Variants in TUT4 observed in about 807,000 individuals in gnomAD.
TUT4 encodes the protein terminal uridylyl transferase 4, also known as terminal uridylyltransferase 4.
A neutral mutation model predicts 192.2 loss-of-function variants in TUT4; 36 were observed. The observed-to-expected ratio is 0.19, with a 90% CI of 0.14 to 0.25. TUT4 has a LOEUF of 0.25. Among genes scored for constraint, TUT4 ranks in the 10% least tolerant of loss-of-function variants. The probability of loss-of-function intolerance (pLI) is 1.00; values close to 1 mark genes in which losing one functional copy is unlikely to be tolerated. For synonymous variants in TUT4, 618 were observed against 666.0 expected (o/e 0.93, Z 1.11); for missense variants, 1,493 against 1,957.2 (o/e 0.76, Z 4.47).
At chr1:52,468,483 A>C in intron 14 of TUT4, 1 of 455,392 alleles carries the variant, frequency 2.2e-6, no homozygotes, top group Non-Finnish European at 3.9e-6. Context: ...GGAAGAAACG[A>C]AAATAAATGA....
intron 9 of TUT4, among the ~76,000 whole-genome samples, chr1:52,486,416 A>C (rs80027551): frequency 0.012 from 1,839 of 152,260 alleles, 50 homozygotes; most frequent in African/African-American, 0.043. Context: ...ACTACTTAAG[A>C]CAGCCAGAGA....
At chr1:52,430,475 G>A (rs1651716166) in intron 28 of TUT4, among the ~76,000 whole-genome samples, 1 of 152,046 alleles carries the variant, frequency 6.6e-6, no homozygotes, top group Non-Finnish European at 1.5e-5. Flanking sequence ...TAGAGATGGG[G>A]TTTCACCATG....
intron 15 of TUT4, among the ~76,000 whole-genome samples, chr1:52,465,698 T>C (rs1663918249): frequency 6.6e-6 from 1 of 152,226 alleles, no homozygotes; most frequent in Non-Finnish European, 1.5e-5. Context: ...CAAAGCACAA[T>C]TCATGTAGGT....
At chr1:52,551,678 TCG>T (rs1242551484) in intron 1 of TUT4, among the ~76,000 whole-genome samples, 1 of 148,322 alleles carries the variant, frequency 6.7e-6, no homozygotes, top group Non-Finnish European at 1.5e-5. Context: ...TTCAGCGCGC[TCG>T]CGCGCGCACA....
intron 7 of TUT4, 83 bp from the exon 8 acceptor site, chr1:52,490,884 T>C: frequency 1.7e-6 from 2 of 1,149,588 alleles, no homozygotes; most frequent in Non-Finnish European, 1.2e-6. Context: ...ACAGTTTCCT[T>C]CTGAAAATTA....
intron 4 of TUT4, among the ~76,000 whole-genome samples, chr1:52,507,509 A>C (rs538539567): frequency 2.6e-5 from 4 of 152,264 alleles, no homozygotes; most frequent in African/African-American, 9.6e-5. Context: ...AAGTAAATCC[A>C]CTGTTACTCT....
chr1:52,448,579 A>G (rs1236834145), intron 20 of TUT4, among the ~76,000 whole-genome samples: 3 of 120,938 alleles, frequency 2.5e-5, no homozygotes, highest in African/African-American at 6.5e-5. Flanking sequence ...ACTAAGCGAG[A>G]TTCTGTCTCA....
At chr1:52,482,098 T>G (rs1668620029) in intron 9 of TUT4, among the ~76,000 whole-genome samples, 175 bp from the exon 10 acceptor site, 1 of 152,158 alleles carries the variant, frequency 6.6e-6, no homozygotes, top group African/African-American at 2.4e-5. Flanking sequence ...TTGATGATCA[T>G]TTTTTTCATT....
chr1:52,519,287 T>G (rs527847376), intron 2 of TUT4, among the ~76,000 whole-genome samples: 31 of 152,192 alleles, frequency 2.0e-4, no homozygotes, highest in Non-Finnish European at 3.8e-4. Context: ...GGCCACATAT[T>G]GTATTATTTC....
chr1:52,477,898 T>C lies in TUT4; in HGVS notation c.1849-16A>G, dbSNP rs765381469. 1.4e-5 allele frequency: 22 copies of C among 1,572,596 alleles called. No individual in the cohort carries two copies. Among genetic ancestry groups the C allele is most frequent in the Admixed American group, 4.0e-5 (2 of 49,670 alleles). On this transcript the variant is annotated splice_polypyrimidine_tract_variant and intron_variant, in intron 11 of 29. Transcript: ENST00000257177. Reference sequence around the variant, plus strand: ...CTAAAGGAGACTGGAAAAGAAAAAATACTTTTCATTTAAGCTTAACAAAAC... The same window carrying C: ...CTAAAGGAGACTGGAAAAGAAAAAACACTTTTCATTTAAGCTTAACAAAAC...
intron 1 of TUT4, among the ~76,000 whole-genome samples, chr1:52,533,599 G>T (rs186157828): frequency 6.6e-6 from 1 of 152,174 alleles, no homozygotes; most frequent in East Asian, 1.9e-4. Context: ...CTCTCATGCT[G>T]ACTCTTCTTT....
intron 2 of TUT4, 75 bp from the exon 3 acceptor site, chr1:52,516,129 T>A: frequency 8.7e-7 from 1 of 1,143,982 alleles, no homozygotes; most frequent in Non-Finnish European, 1.3e-6. Context: ...AAACAGACAT[T>A]AAATTTATAC....
At chr1:52,483,836 ATTAT>A (rs892003442) in intron 9 of TUT4, among the ~76,000 whole-genome samples, 1 of 152,056 alleles carries the variant, frequency 6.6e-6, no homozygotes, top group African/African-American at 2.4e-5. Flanking sequence ...ATTAAGTAAA[ATTAT>A]TTATTTATTT....
intron 1 of TUT4, among the ~76,000 whole-genome samples, chr1:52,548,582 T>C (rs943234297): frequency 1.3e-4 from 20 of 152,190 alleles, no homozygotes; most frequent in Non-Finnish European, 2.9e-5. Flanking sequence ...ACATGGACTT[T>C]TCCCATCTAT....
chr1:52,458,417 A>G lies in TUT4; in HGVS notation c.3354T>C (p.Ser1118=). ...TAAGGATATATGCATATGAAGATAA[A>G]CTTCCCCTGGAAGCATCCCCAATGT... ...RCDIGDASRG[S]LSSYAYILMV... Residue 1118 remains serine, a synonymous_variant, in exon 20 of 30, where the codon AGT becomes AGC. Transcript: ENST00000257177. The G allele has an allele frequency of 6.2e-7, 1 of 1,613,436 alleles. No homozygotes were observed. Among genetic ancestry groups the G allele is most frequent in the Non-Finnish European group, 8.5e-7 (1 of 1,179,802 alleles).
chr1:52,481,287 T>A, intron 11 of TUT4, 136 bp downstream of exon 11: 2 of 872,322 alleles, frequency 2.3e-6, no homozygotes, highest in South Asian at 1.7e-5. Context: ...GATCAACCCC[T>A]CACTTTATAG....
At chr1:52,464,193 T>C (rs1297816844) in intron 16 of TUT4, among the ~76,000 whole-genome samples, 2 of 152,176 alleles carry the variant, frequency 1.3e-5, no homozygotes, top group Non-Finnish European at 2.9e-5. Context: ...ACTCAATAAA[T>C]GTTAGTTCTC....
chr1:52,499,632 A>G (rs1673530534), intron 4 of TUT4, among the ~76,000 whole-genome samples: 2 of 152,120 alleles, frequency 1.3e-5, no homozygotes, highest in South Asian at 4.1e-4. Flanking sequence ...CCTACTCAGG[A>G]GGCTGAGGTG....
At chr1:52,440,647 T>C (rs567221916) in intron 24 of TUT4, among the ~76,000 whole-genome samples, 2 of 152,266 alleles carry the variant, frequency 1.3e-5, no homozygotes, top group East Asian at 3.9e-4. Context: ...GTTGTATCCA[T>C]TCTATTGCTG....
Sources: gnomAD v4.1 joint callset for allele counts (sites outside exome capture counted in the v4.1 genomes callset) on GRCh38, gnomAD v4.1.1 for gene constraint, MANE v1.5 for transcripts, NCBI Gene and HGNC (gene_info 2026-07-23, HGNC 2026-07-21) for gene names.